The following ABCC1 variants were observed in gnomAD, a reference collection of about 807,000 sequenced individuals.
ABCC1 encodes multidrug resistance-associated protein 1.
Under a neutral mutation model 172.9 loss-of-function variants are expected in ABCC1, and 83 were observed. The observed-to-expected ratio is 0.48, with a 90% CI of 0.40 to 0.58. The LOEUF is 0.58. ABCC1 is among the 20% of genes least tolerant of loss of function. ABCC1 has a pLI of 0.00. For missense variants in ABCC1, 1,817 were observed against 2,002.7 expected, an observed-to-expected ratio of 0.91 and a Z score of 1.77; for synonymous variants, 937 against 825.2, an observed-to-expected ratio of 1.14 and a Z score of -2.32.
chr16:15,950,108 AAAC>A (rs1390104384), intron 1 of ABCC1, among the ~76,000 whole-genome samples: 1 of 151,280 alleles, frequency 6.6e-6, no homozygotes, highest in Admixed American at 6.6e-5. Flanking sequence ...CCGTCTGTAA[AAAC>A]AACCTTCCAG....
chr16:16,058,871 G>GT (rs2049788302), intron 12 of ABCC1, among the ~76,000 whole-genome samples: 1 of 151,484 alleles, frequency 6.6e-6, no homozygotes, highest in Non-Finnish European at 1.5e-5. Flanking sequence ...GGCCAGGCTG[G>GT]TCTCGAACTC....
intron 10 of ABCC1, among the ~76,000 whole-genome samples, chr16:16,048,984 C>CAAA (rs112797521): frequency 9.7e-6 from 1 of 103,586 alleles, no homozygotes. Context: ...ACTCCAATTC[C>CAAA]AAAAAAAAAA....
At chr16:15,995,544 C>A (rs533056080) in intron 1 of ABCC1, among the ~76,000 whole-genome samples, 1 of 151,754 alleles carries the variant, frequency 6.6e-6, no homozygotes. Context: ...TAGTTTTGGC[C>A]GCTTTGCATA....
rs1297463302 is a variant in ABCC1, at chr16:15,997,823, TTTTTC to T, written c.49-9992_49-9988del. ...TCGATACCTTTTTTTTTTTTTTTTT[TTTTTC>T]CCTGAGACAGAGTCTCGCTCTGTCA... is the stretch of plus-strand genomic sequence containing the variant. On this transcript the variant is annotated intron_variant, in intron 1 of 30. Transcript: ENST00000399410. Among the ~76,000 whole-genome samples, 153 of 141,370 alleles carry T rather than the reference TTTTTC, an allele frequency of 1.1e-3. 3 individuals carry two copies. Among genetic ancestry groups the T allele is most frequent in the Admixed American group, 8.4e-4 (12 of 14,230 alleles). The allele number at this position is 141,370 out of a possible 152,430, so 92.7% of individuals were successfully genotyped here. A position where few individuals can be genotyped will look rare whatever the true frequency, so the allele number is the denominator to read the frequency against.
At chr16:16,012,580 C>G (rs1198959457) in intron 3 of ABCC1, among the ~76,000 whole-genome samples, 1 of 150,980 alleles carries the variant, frequency 6.6e-6, no homozygotes, top group Non-Finnish European at 1.5e-5. Flanking sequence ...AGTGATCCCT[C>G]TGCCTTGGCC....
At chr16:16,032,861 C>G (rs895551337) in intron 5 of ABCC1, among the ~76,000 whole-genome samples, 4 of 152,178 alleles carry the variant, frequency 2.6e-5, no homozygotes, top group Non-Finnish European at 5.9e-5. Context: ...CAAGGCAGGT[C>G]TATAGCATGT....
chr16:16,104,100 C>G (rs999614724), intron 20 of ABCC1, among the ~76,000 whole-genome samples: 23 of 152,270 alleles, frequency 1.5e-4, no homozygotes, highest in African/African-American at 5.5e-4. Context: ...AGGAGTGAAG[C>G]TGTAGACCTT....
At chr16:16,083,233 T>G (rs1456827755) in intron 16 of ABCC1, 133 bp from the exon 17 acceptor site, 9 of 899,192 alleles carry the variant, frequency 1.0e-5, no homozygotes, top group Non-Finnish European at 1.6e-5. Flanking sequence ...GTTTCCCTCT[T>G]GCCAAAGCAA....
At position 16,103,360 on chromosome 16, in the gene ABCC1, A is replaced by C. The variant is rs887317268; in HGVS notation, c.2735+643A>C. On this transcript the variant is annotated intron_variant, in intron 20 of 30. Coordinates refer to ENST00000399410, the MANE Select transcript of ABCC1 (RefSeq NM_004996.4). ...TTCGGGAGGCTGAGGCGGGCGGATC[A>C]CCTGAGGACAGGAGTTGAAGACCAG... Among the ~76,000 whole-genome samples the C allele has an allele frequency of 4.6e-5, 7 of 152,062 alleles. No homozygotes were observed. The East Asian group carries it at 9.7e-4, about 21-fold the overall frequency.
intron 23 of ABCC1, among the ~76,000 whole-genome samples, chr16:16,117,707 A>G (rs913026762): frequency 6.6e-5 from 10 of 152,308 alleles, no homozygotes; most frequent in African/African-American, 2.4e-4. Context: ...GGAGTTCGAG[A>G]GCAGCCTGAC....
intron 28 of ABCC1, 22 bp downstream of exon 28, chr16:16,134,530 G>C: frequency 6.2e-7 from 1 of 1,613,288 alleles, no homozygotes; most frequent in South Asian, 1.1e-5. Flanking sequence ...GTGTGGCCCA[G>C]GGGGTGAGCC....
At chr16:15,977,065 G>A (rs899516652) in intron 1 of ABCC1, among the ~76,000 whole-genome samples, 1 of 152,194 alleles carries the variant, frequency 6.6e-6, no homozygotes, top group African/African-American at 2.4e-5. Context: ...CAGGGAGATG[G>A]GTGAGGCAGG....
At position 15,982,033 on chromosome 16, in the gene ABCC1, C is replaced by T. The variant is rs971201120; in HGVS notation, c.49-25783C>T. Among the ~76,000 whole-genome samples, 14 of 152,180 alleles carry T rather than the reference C, an allele frequency of 9.2e-5. 1 individual carries two copies. Among genetic ancestry groups the T allele is most frequent in the African/African-American group, 3.4e-4 (14 of 41,420 alleles). ...CATTTCCCAAGAAGTTCCTCATCTC[C>T]ATCTGAGACCACCTCAGCCTGGACT... On this transcript the variant is annotated intron_variant, in intron 1 of 30. Transcript: ENST00000399410.
At chr16:16,116,946 A>G (rs1048950005) in intron 23 of ABCC1, among the ~76,000 whole-genome samples, 3 of 152,284 alleles carry the variant, frequency 2.0e-5, no homozygotes, top group Admixed American at 2.0e-4. Flanking sequence ...TATGGCTATT[A>G]AGTGACTAAA....
At chr16:16,066,218 T>C (rs991592064) in intron 12 of ABCC1, among the ~76,000 whole-genome samples, 8 of 152,244 alleles carry the variant, frequency 5.3e-5, no homozygotes, top group Non-Finnish European at 4.4e-5. Context: ...GTGTCTCCCT[T>C]GTTGCCCACC....
chr16:15,966,348 G>GTTGCAGTGAGGCGGAGT lies in ABCC1; in HGVS notation c.48+16558_48+16559insGGCGGAGTTTGCAGTGA, dbSNP rs1200625787. Among the ~76,000 whole-genome samples the GTTGCAGTGAGGCGGAGT allele has an allele frequency of 2.9e-4, 44 of 151,158 alleles. 1 individual carries two copies. The South Asian group carries it at 9.0e-3, about 31-fold the overall frequency. ...AATTGCTTGAACCCAGGAGGCGGAG[G>GTTGCAGTGAGGCGGAGT]TTGCAGTGAACTGAGATTGTGCCAC... On this transcript the variant is annotated intron_variant, in intron 1 of 30. Coordinates refer to ENST00000399410, the MANE Select transcript of ABCC1 (RefSeq NM_004996.4).
At chr16:15,973,720 A>G (rs2046421240) in intron 1 of ABCC1, among the ~76,000 whole-genome samples, 1 of 152,060 alleles carries the variant, frequency 6.6e-6, no homozygotes, top group Admixed American at 6.6e-5. Context: ...TCATGCCTAT[A>G]ATCCCAGCAC....
chr16:16,139,378 G>T (rs1008687283), intron 30 of ABCC1, among the ~76,000 whole-genome samples: 1 of 152,004 alleles, frequency 6.6e-6, no homozygotes. Context: ...TTGGGAGGCC[G>T]AGGCAGGCAG....
At chr16:16,125,980 C>G in intron 26 of ABCC1, 69 bp downstream of exon 26, 1 of 1,191,894 alleles carries the variant, frequency 8.4e-7, no homozygotes, top group South Asian at 1.4e-5. Context: ...ATCTCTGGAC[C>G]CTATCCTGTG....
Sources: gnomAD v4.1 joint callset for allele counts (sites outside exome capture counted in the v4.1 genomes callset) on GRCh38, gnomAD v4.1.1 for gene constraint, MANE v1.5 for transcripts, NCBI Gene and HGNC (gene_info 2026-07-23, HGNC 2026-07-21) for gene names.